Variants in GALNTL6 observed in about 807,000 individuals in gnomAD.
GALNTL6 encodes polypeptide N-acetylgalactosaminyltransferase like 6.
GALNTL6 carries 46 observed loss-of-function variants against 73.7 expected under a neutral mutation model. That is an observed-to-expected ratio of 0.62 (90% confidence interval 0.49 to 0.80). GALNTL6 has a LOEUF of 0.80. Ranked by LOEUF, GALNTL6 falls within the 30% of genes least tolerant of loss-of-function variation. GALNTL6 has a pLI of 0.00. For missense variants in GALNTL6, 604 were observed against 755.0 expected, an observed-to-expected ratio of 0.80 and a Z score of 2.34; for synonymous variants, 259 against 263.7, an observed-to-expected ratio of 0.98 and a Z score of 0.17.
chr4:172,329,441 A>AT (rs1741051295), intron 4 of GALNTL6, among the ~76,000 whole-genome samples: 1 of 152,074 alleles, frequency 6.6e-6, no homozygotes, highest in African/African-American at 2.4e-5. Flanking sequence ...GTCACCTTAG[A>AT]TTTTCCAGCA....
At chr4:172,527,020 T>C (rs1734982136) in intron 5 of GALNTL6, among the ~76,000 whole-genome samples, 1 of 152,206 alleles carries the variant, frequency 6.6e-6, no homozygotes, top group African/African-American at 2.4e-5. Flanking sequence ...TATTTTATTT[T>C]AGTTATTTTA....
At chr4:172,185,522 A>G (rs924608261) in intron 2 of GALNTL6, among the ~76,000 whole-genome samples, 6 of 152,218 alleles carry the variant, frequency 3.9e-5, no homozygotes, top group African/African-American at 1.4e-4. Context: ...AGAAGAAACA[A>G]TAAAAGTTCT....
intron 2 of GALNTL6, among the ~76,000 whole-genome samples, chr4:171,883,315 A>G (rs1736508712): frequency 6.6e-6 from 1 of 152,092 alleles, no homozygotes. Flanking sequence ...TCCTGCCACT[A>G]CACTCCAGCC....
intron 2 of GALNTL6, among the ~76,000 whole-genome samples, chr4:172,004,189 G>A (rs1740759302): frequency 6.6e-6 from 1 of 152,084 alleles, no homozygotes; most frequent in African/African-American, 2.4e-5. Context: ...GTTCCTAACT[G>A]CAAAGAGTTA....
chr4:173,018,768 T>C (rs1482363182), intron 11 of GALNTL6, among the ~76,000 whole-genome samples: 1 of 152,224 alleles, frequency 6.6e-6, no homozygotes, highest in Non-Finnish European at 1.5e-5. Flanking sequence ...GGTTTTAGCA[T>C]TGCTGGAACA....
chr4:172,279,345 T>C (rs1025215752), intron 3 of GALNTL6, among the ~76,000 whole-genome samples: 2 of 152,128 alleles, frequency 1.3e-5, no homozygotes, highest in African/African-American at 4.8e-5. Context: ...CTAGAACATA[T>C]AAAGATTTGC....
chr4:172,168,016 C>CTG (rs982219383), intron 2 of GALNTL6, among the ~76,000 whole-genome samples: 1 of 150,798 alleles, frequency 6.6e-6, no homozygotes, highest in African/African-American at 2.4e-5. Context: ...TCCAATGATT[C>CTG]TGTTTTATTG....
chr4:172,258,443 A>G lies in GALNTL6; in HGVS notation c.247+28679A>G, dbSNP rs545954278. 4.6e-4 allele frequency among the ~76,000 whole-genome samples: 70 copies of G among 151,276 alleles called. 1 individual carries two copies. In the South Asian group the frequency reaches 0.013, roughly 29 times the overall value. On this transcript the variant is annotated intron_variant, in intron 3 of 12. Coordinates refer to ENST00000506823, the MANE Select transcript of GALNTL6 (RefSeq NM_001034845.3). ...GTGAGACAATGTTTTTCATTAGTTG[A>G]TGTGAGAATTATGTTTTTCATTAAT...
At position 172,409,602 on chromosome 4, in the gene GALNTL6, A is replaced by G. The variant is rs115219977; in HGVS notation, c.553+60913A>G. On this transcript the variant is annotated intron_variant, in intron 5 of 12. Transcript: ENST00000506823. The stretch of plus-strand genomic sequence containing the variant: ...ATATCAAAATAGAAACTTCGGATAT[A>G]TAATACTAATGAGAACATTTCAATG... 4.8e-3 allele frequency among the ~76,000 whole-genome samples: 723 copies of G among 152,174 alleles called. 6 individuals carry two copies. The highest frequency in any genetic ancestry group is 0.016 in the African/African-American group (664 of 41,562).
chr4:172,978,071 ACCTCAGGTGTT>A (rs1750907333), intron 10 of GALNTL6, among the ~76,000 whole-genome samples: 2 of 152,058 alleles, frequency 1.3e-5, no homozygotes, highest in African/African-American at 4.8e-5. Flanking sequence ...AAAACTCCTG[ACCTCAGGTGTT>A]CCGTCCGCCT....
intron 5 of GALNTL6, among the ~76,000 whole-genome samples, chr4:172,540,937 C>G (rs1735529495): frequency 6.6e-6 from 1 of 152,046 alleles, no homozygotes; most frequent in Non-Finnish European, 1.5e-5. Flanking sequence ...AATAATGTCT[C>G]CTAGATCTAG....
chr4:172,655,114 TATTTA>T (rs1376359014), intron 5 of GALNTL6, among the ~76,000 whole-genome samples: 1 of 152,242 alleles, frequency 6.6e-6, no homozygotes, highest in African/African-American at 2.4e-5. Flanking sequence ...ATTTTTATAA[TATTTA>T]ATTCCATTTA....
At chr4:172,489,245 C>T (rs994047216) in intron 5 of GALNTL6, among the ~76,000 whole-genome samples, 1 of 152,074 alleles carries the variant, frequency 6.6e-6, no homozygotes, top group African/African-American at 2.4e-5. Flanking sequence ...TTGAAATTAC[C>T]ATTGAGTCAT....
intron 2 of GALNTL6, among the ~76,000 whole-genome samples, chr4:172,132,684 G>A (rs1242888465): frequency 6.6e-6 from 1 of 151,948 alleles, no homozygotes; most frequent in Non-Finnish European, 1.5e-5. Flanking sequence ...CTAGATATAA[G>A]CCATATTCTT....
chr4:172,351,333 C>G (rs55904602), intron 5 of GALNTL6, among the ~76,000 whole-genome samples: 2 of 151,994 alleles, frequency 1.3e-5, no homozygotes, highest in Admixed American at 1.3e-4. Flanking sequence ...TTAGGACTGC[C>G]TTAACATTTA....
intron 2 of GALNTL6, among the ~76,000 whole-genome samples, chr4:172,026,522 T>G (rs554723971): frequency 6.6e-6 from 1 of 152,308 alleles, no homozygotes; most frequent in East Asian, 1.9e-4. Flanking sequence ...ACTGAGGGAT[T>G]GAATTTTTAA....
chr4:172,246,005 C>T (rs1051270685), intron 3 of GALNTL6, among the ~76,000 whole-genome samples: 2 of 152,032 alleles, frequency 1.3e-5, no homozygotes, highest in Non-Finnish European at 2.9e-5. Flanking sequence ...GCTAGAAACT[C>T]AGAACTGAGA....
chr4:172,746,658 T>G (rs529844320), intron 5 of GALNTL6, among the ~76,000 whole-genome samples: 12 of 152,022 alleles, frequency 7.9e-5, no homozygotes, highest in Non-Finnish European at 1.8e-4. Flanking sequence ...TCTTTTGTGA[T>G]TAAAAAATTC....
chr4:171,992,396 A>G (rs772800905), intron 2 of GALNTL6, among the ~76,000 whole-genome samples: 1 of 152,036 alleles, frequency 6.6e-6, no homozygotes, highest in Non-Finnish European at 1.5e-5. Context: ...GTACACCTAT[A>G]TAAATGAAAG....
Sources: gnomAD v4.1 joint callset for allele counts (sites outside exome capture counted in the v4.1 genomes callset) on GRCh38, gnomAD v4.1.1 for gene constraint, MANE v1.5 for transcripts, NCBI Gene and HGNC (gene_info 2026-07-23, HGNC 2026-07-21) for gene names.